LRRC4C: variants seen among roughly 807,000 people sequenced by gnomAD.
LRRC4C encodes leucine-rich repeat-containing protein 4C.
In LRRC4C, 5 loss-of-function variants were observed where a neutral mutation model predicts 33.6. The observed-to-expected ratio is 0.15, with a 90% CI of 0.08 to 0.31. The LOEUF is 0.31. Ranked by LOEUF, LRRC4C falls within the 10% of genes least tolerant of loss-of-function variation. LRRC4C has a pLI of 1.00. For missense variants in LRRC4C, 560 were observed against 796.7 expected, an observed-to-expected ratio of 0.70 and a Z score of 3.58; for synonymous variants, 329 against 302.0, an observed-to-expected ratio of 1.09 and a Z score of -0.93.
intron 2 of LRRC4C, among the ~76,000 whole-genome samples, chr11:40,684,707 G>C (rs981904742): frequency 6.6e-6 from 1 of 151,624 alleles, no homozygotes; most frequent in African/African-American, 2.4e-5. Context: ...AAGAAAAAAA[G>C]ACATTTTAAA....
intron 3 of LRRC4C, among the ~76,000 whole-genome samples, chr11:40,596,774 T>C (rs566513441): frequency 3.9e-5 from 6 of 152,198 alleles, no homozygotes; most frequent in Admixed American, 2.6e-4. Context: ...ATCCATGTGG[T>C]TGCAAATTAC....
intron 1 of LRRC4C, among the ~76,000 whole-genome samples, chr11:41,320,398 T>TTTC (rs1189831928): frequency 6.6e-6 from 1 of 152,224 alleles, no homozygotes; most frequent in Non-Finnish European, 1.5e-5. Flanking sequence ...TCAAGTTTTT[T>TTTC]TCAGATGGTG....
At chr11:40,399,606 C>T (rs139220756) in intron 3 of LRRC4C, among the ~76,000 whole-genome samples, 1,943 of 151,974 alleles carry the variant, frequency 0.013, 16 homozygotes, top group Middle Eastern at 0.041. Context: ...ATGGGTGCAG[C>T]ACACCAGCAT....
intron 2 of LRRC4C, among the ~76,000 whole-genome samples, chr11:40,696,077 A>G (rs1945493726): frequency 1.6e-5 from 2 of 123,604 alleles, no homozygotes; most frequent in Admixed American, 1.8e-4. Context: ...GAGTGTGTAT[A>G]TATATATATG....
intron 2 of LRRC4C, among the ~76,000 whole-genome samples, chr11:40,715,032 C>T (rs1020700693): frequency 1.3e-5 from 2 of 152,158 alleles, no homozygotes; most frequent in Admixed American, 6.5e-5. Flanking sequence ...GTATTACCAA[C>T]ACACTCATAG....
intron 2 of LRRC4C, among the ~76,000 whole-genome samples, chr11:40,919,023 T>C (rs2136341364): frequency 6.6e-6 from 1 of 152,270 alleles, no homozygotes; most frequent in Admixed American, 6.5e-5. Context: ...AAAAAATAAT[T>C]TGCTGCATTT....
chr11:40,816,584 T>C (rs1249956481), intron 2 of LRRC4C, among the ~76,000 whole-genome samples: 1 of 152,188 alleles, frequency 6.6e-6, no homozygotes, highest in African/African-American at 2.4e-5. Flanking sequence ...TACTGTGTTT[T>C]TTAGACACAT....
rs552893724 is a variant in LRRC4C, at chr11:40,915,151, C to T, written c.-407+18484G>A. ...TAATTTATAGATTCAATGCCGTCTC[C>T]ATCAAGCTACCAATGACTTTCTTCA... On this transcript the variant is annotated intron_variant, in intron 2 of 6. Transcript: ENST00000528697. 4.7e-3 allele frequency among the ~76,000 whole-genome samples: 710 copies of T among 152,164 alleles called. 9 individuals are homozygous for T. Among genetic ancestry groups the T allele is most frequent in the African/African-American group, 0.016 (681 of 41,498 alleles).
At chr11:40,455,981 T>C (rs1221219730) in intron 3 of LRRC4C, among the ~76,000 whole-genome samples, 1 of 152,146 alleles carries the variant, frequency 6.6e-6, no homozygotes, top group Admixed American at 6.6e-5. Flanking sequence ...GCCTGTCTCT[T>C]TGATTAATTC....
At chr11:40,666,701 T>C (rs1033098293) in intron 2 of LRRC4C, among the ~76,000 whole-genome samples, 2 of 152,174 alleles carry the variant, frequency 1.3e-5, no homozygotes, top group African/African-American at 2.4e-5. Context: ...ATAATTGTTA[T>C]TGGTGTGTTG....
At chr11:40,822,090 T>C (rs1054109823) in intron 2 of LRRC4C, among the ~76,000 whole-genome samples, 9 of 151,674 alleles carry the variant, frequency 5.9e-5, no homozygotes, top group African/African-American at 2.4e-5. Flanking sequence ...TACTGTGCTA[T>C]TGAACACTAG....
chr11:41,112,598 A>C (rs1436388320), intron 1 of LRRC4C, among the ~76,000 whole-genome samples: 2 of 152,090 alleles, frequency 1.3e-5, no homozygotes, highest in South Asian at 4.1e-4. Flanking sequence ...AAACAAATGC[A>C]CTTCTGTTTT....
At chr11:40,430,825 T>A (rs923087609) in intron 3 of LRRC4C, among the ~76,000 whole-genome samples, 4 of 151,322 alleles carry the variant, frequency 2.6e-5, no homozygotes, top group Non-Finnish European at 5.9e-5. Flanking sequence ...GAAATCATCA[T>A]TCTCAGTAAA....
Position 40,916,704 on chromosome 11 carries a change from AAAT to A in LRRC4C, c.-407+16928_-407+16930del, listed in dbSNP as rs1956976859. Among the ~76,000 whole-genome samples, 4 of 149,192 alleles carry A rather than the reference AAAT, an allele frequency of 2.7e-5. No homozygotes were observed. In the East Asian group the frequency reaches 5.9e-4, roughly 22 times the overall value. On this transcript the variant is annotated intron_variant, in intron 2 of 6. Coordinates refer to ENST00000528697, the MANE Select transcript of LRRC4C (RefSeq NM_001258419.2). The stretch of plus-strand genomic sequence containing the variant: ...CTAAAACTTAAAGTATAATAAAAAT[AAAT>A]AAATAAAAATAAAAATAAAAATAAA...
rs1165855722 is a variant in LRRC4C at position 41,205,960 on chromosome 11, T to G, written c.-496+253471A>C. Among the ~76,000 whole-genome samples the G allele has an allele frequency of 3.3e-5, 5 of 152,094 alleles. No homozygotes were observed. The East Asian group carries it at 9.6e-4, about 29-fold the overall frequency. On this transcript the variant is annotated intron_variant, in intron 1 of 6. Transcript: ENST00000528697. ...TAAGCTTTTTAAGAAAAAAACTCCT[T>G]AGCTGGCCAGTGTTTCTACACTGAA...
chr11:40,305,217 A>G (rs1944971478), intron 4 of LRRC4C, among the ~76,000 whole-genome samples: 1 of 152,242 alleles, frequency 6.6e-6, no homozygotes, highest in South Asian at 2.1e-4. Flanking sequence ...CATCCCTCTC[A>G]AGCAACTCAA....
chr11:41,004,062 A>G (rs1445608913), intron 1 of LRRC4C, among the ~76,000 whole-genome samples: 3 of 152,138 alleles, frequency 2.0e-5, no homozygotes, highest in Non-Finnish European at 4.4e-5. Flanking sequence ...TTGAGAGGCT[A>G]TGGTTACAAA....
At chr11:40,567,148 T>A (rs946848619) in intron 3 of LRRC4C, among the ~76,000 whole-genome samples, 1 of 152,128 alleles carries the variant, frequency 6.6e-6, no homozygotes, top group Non-Finnish European at 1.5e-5. Flanking sequence ...AAAGGTTAAT[T>A]TTCTGGTTAA....
chr11:40,777,803 T>C (rs1950067613), intron 2 of LRRC4C, among the ~76,000 whole-genome samples: 1 of 152,022 alleles, frequency 6.6e-6, no homozygotes, highest in Non-Finnish European at 1.5e-5. Context: ...TTCTCCTGCC[T>C]CAGCCTCCCG....
Sources: allele counts gnomAD v4.1 joint callset (sites outside exome capture counted in the v4.1 genomes callset), GRCh38; gene constraint gnomAD v4.1.1; transcripts MANE v1.5; gene names NCBI Gene and HGNC (gene_info 2026-07-23, HGNC 2026-07-21).